Variants in FABP12 observed in about 807,000 individuals in gnomAD.
FABP12 encodes fatty acid-binding protein 12.
Under a neutral mutation model 13.7 loss-of-function variants are expected in FABP12, and 19 were observed. The observed-to-expected ratio is 1.39, with a 90% CI of 0.97 to 2.04. The LOEUF is 2.04. Ranked by LOEUF, FABP12 falls within the 30% of genes most tolerant of loss-of-function variation. The pLI is 0.00. For synonymous variants in FABP12, 61 were observed against 57.0 expected, an observed-to-expected ratio of 1.07 and a Z score of -0.32; for missense variants, 182 against 164.2, an observed-to-expected ratio of 1.11 and a Z score of -0.59.
At chr8:81,548,017 C>A (rs187131407) in intron 1 of FABP12, among the ~76,000 whole-genome samples, 14 of 152,244 alleles carry the variant, frequency 9.2e-5, no homozygotes, top group Admixed American at 3.9e-4. Context: ...CTGGCACTGC[C>A]CTGGGTACCA....
chr8:81,589,077 T>A (rs1810283813), intron 1 of FABP12, among the ~76,000 whole-genome samples: 1 of 152,144 alleles, frequency 6.6e-6, no homozygotes, highest in Non-Finnish European at 1.5e-5. Flanking sequence ...CCTTTCAAGA[T>A]GCTGAAGGAA....
intron 1 of FABP12, among the ~76,000 whole-genome samples, chr8:81,566,706 T>C (rs915753223): frequency 2.6e-5 from 4 of 152,134 alleles, no homozygotes; most frequent in African/African-American, 9.7e-5. Flanking sequence ...AGTATCATAC[T>C]GAATGGGAAA....
intron 1 of FABP12, among the ~76,000 whole-genome samples, chr8:81,573,659 T>C (rs1809974167): frequency 6.6e-6 from 1 of 152,182 alleles, no homozygotes; most frequent in African/African-American, 2.4e-5. Context: ...TAGAGGTCTT[T>C]CGATTCCTTG....
upstream of FABP12, among the ~76,000 whole-genome samples, chr8:81,538,859 A>G (rs528749845): frequency 9.9e-5 from 15 of 151,980 alleles, no homozygotes; most frequent in South Asian, 3.1e-3. Context: ...TAATTTTTTT[A>G]TTGTTTTTGA....
intron 1 of FABP12, among the ~76,000 whole-genome samples, chr8:81,554,043 C>G (rs778546462): frequency 1.1e-4 from 17 of 152,150 alleles, no homozygotes; most frequent in Non-Finnish European, 1.3e-4. Context: ...AAATCCACCC[C>G]CTTCCACTTG....
chr8:81,527,954 C>T (rs1332425199), intron 3 of FABP12, among the ~76,000 whole-genome samples: 1 of 151,872 alleles, frequency 6.6e-6, no homozygotes, highest in Admixed American at 6.6e-5. Context: ...GACCCTGTCT[C>T]AATAAAGAAT....
rs1345575381 is a variant in FABP12, at chr8:81,525,088, T to C, written c.381A>G (p.Arg127=). The C allele has an allele frequency of 1.9e-6, 3 of 1,595,688 alleles. No individual in the cohort carries two copies. The South Asian group carries it at 3.4e-5, about 18-fold the overall frequency. The change falls in exon 5 of 5, where the codon CGA becomes CGG. Residue 127 remains arginine (R), a synonymous_variant. Coordinates refer to ENST00000360464, the Ensembl canonical transcript of FABP12. ...AGTTTGATGATACTTTCTCGTATGT[T>C]CGTGTACAGATAACACTGTTCACAG...
rs375883973 is a variant in FABP12 at position 81,527,085 on chromosome 8, C to T, written c.283G>A (p.Val95Ile). 2.5e-4 allele frequency: 402 copies of T among 1,611,554 alleles called. No individual in the cohort carries two copies. The highest frequency in any genetic ancestry group is 3.1e-4 in the Non-Finnish European group (361 of 1,178,690). ...GTTTCTTTGCCATCCCAGTCCTGAA[C>T]TTGAATCAGGGACTCCTTATCTAAG... Residue 95 changes from valine to isoleucine, a missense_variant, in exon 4 of 5, where the codon GTT (valine) becomes ATT (isoleucine). Physicochemically the swap from Val to Ile is conservative, Grantham distance 29 (BLOSUM62 3). Transcript: ENST00000360464.
intron 1 of FABP12, among the ~76,000 whole-genome samples, chr8:81,578,828 T>TTTTTG (rs1810103193): frequency 7.2e-6 from 1 of 138,266 alleles, no homozygotes; most frequent in African/African-American, 2.8e-5. Flanking sequence ...TTCAAGTTTT[T>TTTTTG]TTTTTTTTTT....
intron 1 of FABP12, among the ~76,000 whole-genome samples, chr8:81,567,804 T>C (rs1809853816): frequency 6.6e-6 from 1 of 152,106 alleles, no homozygotes; most frequent in Non-Finnish European, 1.5e-5. Context: ...CAGAAGTGGA[T>C]AAATGGAATC....
At chr8:81,589,667 T>C (rs1167415120) in intron 1 of FABP12, among the ~76,000 whole-genome samples, 2 of 152,228 alleles carry the variant, frequency 1.3e-5, no homozygotes, top group Non-Finnish European at 1.5e-5. Flanking sequence ...CCAAAACTTA[T>C]GAAGATTCTT....
At chr8:81,540,181 A>G (rs1042184002) in intron 1 of FABP12, among the ~76,000 whole-genome samples, 2 of 152,242 alleles carry the variant, frequency 1.3e-5, no homozygotes, top group Non-Finnish European at 2.9e-5. Context: ...TTAGAAATGC[A>G]CATTCTTGGC....
chr8:81,551,841 G>A (rs1245177883), intron 1 of FABP12, among the ~76,000 whole-genome samples: 4 of 152,102 alleles, frequency 2.6e-5, no homozygotes. Context: ...AGGCCTAATA[G>A]TTCTGGGTGT....
intron 1 of FABP12, among the ~76,000 whole-genome samples, chr8:81,543,075 C>G (rs969516223): frequency 6.6e-6 from 1 of 152,136 alleles, no homozygotes; most frequent in African/African-American, 2.4e-5. Flanking sequence ...AATTTAGGAC[C>G]TTTAAGCTTA....
At chr8:81,588,968 G>A (rs1810282917) in intron 1 of FABP12, among the ~76,000 whole-genome samples, 2 of 152,156 alleles carry the variant, frequency 1.3e-5, no homozygotes, top group African/African-American at 4.8e-5. Context: ...GGGCATGTTG[G>A]AGCCACAGCC....
At chr8:81,586,644 T>C (rs1002872100) in intron 1 of FABP12, among the ~76,000 whole-genome samples, 8 of 152,236 alleles carry the variant, frequency 5.3e-5, no homozygotes, top group African/African-American at 1.9e-4. Flanking sequence ...ATGTCTTCTT[T>C]TGAGAAGTGT....
chr8:81,531,853 G>A (rs1426151522), intron 1 of FABP12, among the ~76,000 whole-genome samples: 1 of 152,094 alleles, frequency 6.6e-6, no homozygotes, highest in African/African-American at 2.4e-5. Context: ...TTTAGTAAGG[G>A]CTAGAACAAC....
chr8:81,582,279 C>T (rs780077053), intron 1 of FABP12, among the ~76,000 whole-genome samples: 35 of 151,798 alleles, frequency 2.3e-4, no homozygotes, highest in Middle Eastern at 6.8e-3. Context: ...TACTCCATCA[C>T]GCCTGGCTAA....
chr8:81,537,159 A>C (rs1427835902), upstream of FABP12, among the ~76,000 whole-genome samples: 2 of 152,214 alleles, frequency 1.3e-5, no homozygotes, highest in Non-Finnish European at 2.9e-5. Flanking sequence ...AAACTCCGGC[A>C]TTTATAAAAG....
Sources: allele counts gnomAD v4.1 joint callset (sites outside exome capture counted in the v4.1 genomes callset), GRCh38; gene constraint gnomAD v4.1.1; transcripts MANE v1.5; gene names NCBI Gene and HGNC (gene_info 2026-07-23, HGNC 2026-07-21).